Variants in SAR1A observed in about 807,000 individuals in gnomAD.
The protein encoded by SAR1A is small COPII coat GTPase SAR1A.
Under a neutral mutation model 22.6 loss-of-function variants are expected in SAR1A, and 6 were observed. That is an observed-to-expected ratio of 0.27 (90% CI 0.15 to 0.52). The LOEUF is 0.52. SAR1A is among the 20% of genes least tolerant of loss of function. SAR1A has a pLI of 0.96. For synonymous variants in SAR1A, 70 were observed against 82.2 expected (o/e 0.85, Z 0.80); for missense variants, 145 against 245.1 (o/e 0.59, Z 2.73).
chr10:70,155,623 A>G (rs1839378538), intron 5 of SAR1A, among the ~76,000 whole-genome samples: 1 of 152,232 alleles, frequency 6.6e-6, no homozygotes, highest in African/African-American at 2.4e-5. Flanking sequence ...AAAAAAATCA[A>G]TAAAGACAAC....
intron 1 of SAR1A, among the ~76,000 whole-genome samples, chr10:70,163,502 A>G (rs984834745): frequency 9.9e-5 from 15 of 152,186 alleles, no homozygotes; most frequent in Non-Finnish European, 2.1e-4. Flanking sequence ...ATATTCATTT[A>G]CCATTCTGAA....
chr10:70,168,479 C>T (rs1465295257), intron 1 of SAR1A, among the ~76,000 whole-genome samples: 3 of 152,018 alleles, frequency 2.0e-5, no homozygotes, highest in Non-Finnish European at 4.4e-5. Context: ...GTTATCCCAG[C>T]TACTCGGGAG....
Position 70,152,030 on chromosome 10 carries a change from C to G in SAR1A, c.*446G>C. 4.6e-6 allele frequency: 1 copy of G among 215,842 alleles called. No homozygotes were observed. Among genetic ancestry groups the G allele is most frequent in the Non-Finnish European group, 9.6e-6 (1 of 104,260 alleles). 13.4% of individuals were successfully genotyped at this position (215,842 alleles called of 1,614,324 possible). A position where few individuals can be genotyped will look rare whatever the true frequency, so the allele number is the denominator to read the frequency against. On this transcript the variant is annotated 3_prime_UTR_variant, in exon 7 of 7. Transcript: ENST00000373241. ...ATAATTTTATGAAGTATCTAAATGT[C>G]ATTCATTAGTTTAAAAAAAAAAAAG...
At position 70,151,678 on chromosome 10, in the gene SAR1A, C is replaced by T. The variant is rs1839328942; in HGVS notation, c.*798G>A. 6.6e-6 allele frequency: 1 copy of T among 152,526 alleles called. No individual in the cohort carries two copies. Among genetic ancestry groups the T allele is most frequent in the Non-Finnish European group, 1.5e-5 (1 of 68,020 alleles). 9.4% of individuals were successfully genotyped at this position (152,526 alleles called of 1,614,324 possible). A position where few individuals can be genotyped will look rare whatever the true frequency, so the allele number is the denominator to read the frequency against. Reference sequence around the variant, plus strand: ...TGCTATAGAGAGAAATTAAATTTCACAAAAGTATAAAAGCAAAGACTGGCT... The same window carrying T: ...TGCTATAGAGAGAAATTAAATTTCATAAAAGTATAAAAGCAAAGACTGGCT... On this transcript the variant is annotated 3_prime_UTR_variant, in exon 7 of 7. Coordinates refer to ENST00000373241, the MANE Select transcript of SAR1A (RefSeq NM_020150.5).
rs1055317553 is a variant in SAR1A at position 70,150,265 on chromosome 10, G to A, written c.*2211C>T. 2.0e-5 allele frequency: 3 copies of A among 152,106 alleles called. No individual in the cohort carries two copies. The highest frequency in any genetic ancestry group is 4.4e-5 in the Non-Finnish European group (3 of 68,006). The allele number at this position is 152,106 out of a possible 1,614,324, so 9.4% of individuals were successfully genotyped here. A position where few individuals can be genotyped will look rare whatever the true frequency, so the allele number is the denominator to read the frequency against. ...GATTGACTTTCTTTCGTAAATGACT[G>A]TTTTACTTTTCCTGAAGTAGGACAT... On this transcript the variant is annotated 3_prime_UTR_variant, in exon 7 of 7. Transcript: ENST00000373241.
Position 70,161,911 on chromosome 10 carries a change from G to T in SAR1A, c.5C>A (p.Ser2Tyr). 1 of 1,611,022 alleles carries T rather than the reference G, an allele frequency of 6.2e-7. No homozygotes were observed. Among genetic ancestry groups the T allele is most frequent in the Non-Finnish European group, 8.5e-7 (1 of 1,178,558 alleles). The change falls in exon 2 of 7, where the codon TCT becomes TAT. Residue 2 changes from serine to tyrosine, a missense_variant. Around this residue, in one of 3 missense-constraint regions of SAR1A, gnomAD observed 22 missense variants for 24.8 expected, o/e 0.89. Transcript: ENST00000373241. ...ATTGTAGATCCACTCAAAGATGAAA[G>T]ACATTATTAATGCTTACTACCTGTA... Reference protein sequence around the residue: MSFIFEWIYNGF... With the variant: MYFIFEWIYNGF...
rs954976590 is a variant in SAR1A, at chr10:70,148,293, C to A, written c.*4183G>T. 3 of 152,204 alleles carry A rather than the reference C, an allele frequency of 2.0e-5. No individual in the cohort carries two copies. The East Asian group carries it at 5.8e-4, about 29-fold the overall frequency. 9.4% of individuals were successfully genotyped at this position (152,204 alleles called of 1,614,324 possible). On this transcript the variant is annotated 3_prime_UTR_variant, in exon 7 of 7. Transcript: ENST00000373241. ...AAGTTAACACTGCTTGGTATAACCC[C>A]AGCACAACACAGGATAATGCTCCCA...
At chr10:70,160,077 T>A (rs1839448719) in intron 4 of SAR1A, among the ~76,000 whole-genome samples, 1 of 152,182 alleles carries the variant, frequency 6.6e-6, no homozygotes, top group African/African-American at 2.4e-5. Context: ...ATATTTAATT[T>A]CCTACATACT....
chr10:70,156,975 A>C (rs1839396455), intron 5 of SAR1A, among the ~76,000 whole-genome samples: 1 of 152,216 alleles, frequency 6.6e-6, no homozygotes, highest in Non-Finnish European at 1.5e-5. Context: ...CTGAAGACTG[A>C]GAACAGACCA....
At chr10:70,164,076 G>C in intron 1 of SAR1A, 1 of 766,934 alleles carries the variant, frequency 1.3e-6, no homozygotes, top group South Asian at 1.4e-5. Flanking sequence ...AGCAGATCCT[G>C]ATGGTGATGG....
rs2136717101 is a variant in SAR1A, at chr10:70,161,899, T to C, written c.17A>G (p.Glu6Gly). 1 of 1,612,446 alleles carries C rather than the reference T, an allele frequency of 6.2e-7. No homozygotes were observed. Among genetic ancestry groups the C allele is most frequent in the Middle Eastern group, 2.0e-4 (1 of 5,080 alleles). ...ACTGCTGAAGCCATTGTAGATCCAC[T>C]CAAAGATGAAAGACATTATTAATGC... MSFIF[E>G]WIYNGFSSVL... Residue 6 changes from glutamate (E) to glycine (G), a missense_variant, in exon 2 of 7, where the codon GAG (glutamate) becomes GGG (glycine). By Grantham distance (98) the Glu-to-Gly change is moderately conservative (BLOSUM62 -2). Coordinates refer to ENST00000373241, the MANE Select transcript of SAR1A (RefSeq NM_020150.5).
intron 4 of SAR1A, among the ~76,000 whole-genome samples, chr10:70,159,432 G>A (rs10823491): frequency 0.36 from 55,298 of 151,950 alleles, 10,631 homozygotes; most frequent in Non-Finnish European, 0.4. Context: ...AGTGGCTCAC[G>A]CCCATAATCC....
chr10:70,158,996 C>A (rs1230125188), intron 4 of SAR1A, among the ~76,000 whole-genome samples: 3 of 152,176 alleles, frequency 2.0e-5, no homozygotes, highest in Non-Finnish European at 4.4e-5. Context: ...GCGTCTGGTC[C>A]TTCTACATTC....
chr10:70,158,147 A>G (rs1839418715), intron 4 of SAR1A, among the ~76,000 whole-genome samples: 1 of 152,240 alleles, frequency 6.6e-6, no homozygotes, highest in African/African-American at 2.4e-5. Flanking sequence ...CGTGACAATT[A>G]TCAGCAGGAA....
chr10:70,152,259 T>A lies in SAR1A; in HGVS notation c.*217A>T. ...TGCCAGCTTCCAAGTCCCAGGATAC[T>A]GACCTGCACCAGCACGTGGGGCAGC... On this transcript the variant is annotated 3_prime_UTR_variant, in exon 7 of 7. Coordinates refer to ENST00000373241, the MANE Select transcript of SAR1A (RefSeq NM_020150.5). The A allele has an allele frequency of 1.0e-6, 1 of 958,388 alleles. No individual in the cohort carries two copies. Among genetic ancestry groups the A allele is most frequent in the South Asian group, 1.4e-5 (1 of 71,474 alleles). The allele number at this position is 958,388 out of a possible 1,614,324, so 59.4% of individuals were successfully genotyped here. A position where few individuals can be genotyped will look rare whatever the true frequency, so the allele number is the denominator to read the frequency against.
chr10:70,152,042 TAAA>T lies in SAR1A; in HGVS notation c.*431_*433del, dbSNP rs535832748. Reference sequence around the variant, plus strand: ...AGTATCTAAATGTCATTCATTAGTTTAAAAAAAAAAAAGAATAGAAAACTCTGG... The same window carrying T: ...AGTATCTAAATGTCATTCATTAGTTTAAAAAAAAAGAATAGAAAACTCTGG... On this transcript the variant is annotated 3_prime_UTR_variant, in exon 7 of 7. Transcript: ENST00000373241. 6 of 192,272 alleles carry T rather than the reference TAAA, an allele frequency of 3.1e-5. No individual in the cohort carries two copies. The highest frequency in any genetic ancestry group is 2.8e-4 in the Admixed American group (5 of 17,812). The allele number at this position is 192,272 out of a possible 1,614,324, so 11.9% of individuals were successfully genotyped here. A position where few individuals can be genotyped will look rare whatever the true frequency, so the allele number is the denominator to read the frequency against.
Position 70,147,569 on chromosome 10 carries a change from T to A in SAR1A, c.*4907A>T, listed in dbSNP as rs1839268139. 6.6e-6 allele frequency: 1 copy of A among 152,198 alleles called. No homozygotes were observed. The highest frequency in any genetic ancestry group is 2.4e-5 in the African/African-American group (1 of 41,438). 9.4% of individuals were successfully genotyped at this position (152,198 alleles called of 1,614,324 possible). ...TCATACAATTTTTTGTGTCCAAAAA[T>A]AGCATTCTTTAAATATTTTTTCCAA... On this transcript the variant is annotated 3_prime_UTR_variant, in exon 7 of 7. Transcript: ENST00000373241.
In SAR1A at chr10:70,161,055, T is replaced by C. The variant is rs150769047; in HGVS notation, c.193A>G (p.Thr65Ala). 3 of 1,612,110 alleles carry C rather than the reference T, an allele frequency of 1.9e-6. No homozygotes were observed. Among genetic ancestry groups the C allele is most frequent in the Non-Finnish European group, 2.5e-6 (3 of 1,179,028 alleles). Residue 65 changes from threonine to alanine, a missense_variant, in exon 4 of 7, where the codon ACA becomes GCA. Physicochemically the swap from Thr to Ala is moderately conservative, Grantham distance 58. Around this residue, in one of 3 missense-constraint regions of SAR1A, gnomAD observed 40 missense variants for 105.7 expected, o/e 0.38. Coordinates refer to ENST00000373241, the MANE Select transcript of SAR1A (RefSeq NM_020150.5). ...GTTGTAAAGGTCATTCCAGCAATTG[T>C]TAGCTCTTCTGATGCTGAAAAATTG... ...PTLHPTSEEL[T>A]IAGMTFTTFD...
chr10:70,157,685 G>T, intron 5 of SAR1A, 79 bp downstream of exon 5: 1 of 966,012 alleles, frequency 1.0e-6, no homozygotes, highest in Non-Finnish European at 1.6e-6. Flanking sequence ...GCACTACTGA[G>T]CTATATTCCT....
Sources: gnomAD v4.1 joint callset for allele counts (sites outside exome capture counted in the v4.1 genomes callset) on GRCh38, gnomAD v4.1.1 for gene constraint, gnomAD v4.1.1 regional missense constraint, MANE v1.5 for transcripts, NCBI Gene and HGNC (gene_info 2026-07-23, HGNC 2026-07-21) for gene names.